ZNF185: variants seen among roughly 807,000 people sequenced by gnomAD.
The protein encoded by ZNF185 is zinc finger protein 185 with LIM domain.
In ZNF185, 56 loss-of-function variants were observed where a neutral mutation model predicts 58.6. That is an observed-to-expected ratio of 0.95 (90% CI 0.77 to 1.19). The LOEUF (loss-of-function observed/expected upper bound fraction) is 1.19. ZNF185 is among the 50% of genes most tolerant of loss of function. ZNF185 has a pLI of 0.00. For synonymous variants in ZNF185, 230 were observed against 215.9 expected, an observed-to-expected ratio of 1.07 and a Z score of -0.57; for missense variants, 627 against 573.5, an observed-to-expected ratio of 1.09 and a Z score of -0.95.
At position 152,959,908 on chromosome X, in the gene ZNF185, A is replaced by G. The variant is rs1556908909; in HGVS notation, c.1607+12A>G. Reference sequence around the variant, plus strand: ...AGCTGCACCAGCAGGTACGAGCCAAACTGCACTGGGACCTTACCTGCTAGA... The same window carrying G: ...AGCTGCACCAGCAGGTACGAGCCAAGCTGCACTGGGACCTTACCTGCTAGA... On this transcript the variant is annotated intron_variant, in intron 17 of 22. Coordinates refer to ENST00000449285, the Ensembl canonical transcript of ZNF185. 1.7e-6 allele frequency: 2 copies of G among 1,203,572 alleles called. No individual in the cohort carries two copies. The highest frequency in any genetic ancestry group is 2.2e-6 in the Non-Finnish European group (2 of 890,572).
intron 12 of ZNF185, among the ~76,000 whole-genome samples, chrX:152,929,916 C>T (rs115283233): frequency 0.014 from 1,603 of 112,557 alleles, 28 homozygotes; most frequent in African/African-American, 0.049. Context: ...GATGCCCTTT[C>T]CCCTCTTCAT....
intron 16 of ZNF185, among the ~76,000 whole-genome samples, chrX:152,957,386 A>G (rs2125884650): frequency 9.0e-6 from 1 of 111,581 alleles, no homozygotes; most frequent in East Asian, 2.8e-4. Context: ...GAAAGGACTT[A>G]TTTCCTAAGC....
intron 5 of ZNF185, among the ~76,000 whole-genome samples, chrX:152,917,633 G>C (rs1008701358): frequency 2.7e-5 from 3 of 112,391 alleles, no homozygotes; most frequent in African/African-American, 9.7e-5. Flanking sequence ...TCCTGACTAG[G>C]CCTGGCTAAT....
At chrX:152,942,009 CA>C (rs1482920379) in intron 15 of ZNF185, among the ~76,000 whole-genome samples, 1,418 of 111,859 alleles carry the variant, frequency 0.013, 25 homozygotes, top group African/African-American at 0.044. Context: ...CAGGGCTGCC[CA>C]GGGGGAGGGG....
At chrX:152,920,198 A>G in intron 7 of ZNF185, 130 bp from the exon 9 acceptor site, 2 of 507,115 alleles carry the variant, frequency 3.9e-6, no homozygotes, top group South Asian at 6.7e-5. Context: ...AGCAGGTGCA[A>G]ATCTGGTTTC....
At chrX:152,903,025 C>T in the ZNF185 span, among the ~76,000 whole-genome samples, 4 of 111,293 alleles carry the variant, frequency 3.6e-5, no homozygotes, top group Admixed American at 3.8e-4. Flanking sequence ...CCTGCTCTGG[C>T]AAAGACTGAA....
intron 16 of ZNF185, among the ~76,000 whole-genome samples, chrX:152,950,136 A>C (rs1326969572): frequency 8.9e-6 from 1 of 112,574 alleles, no homozygotes; most frequent in Non-Finnish European, 1.9e-5. Flanking sequence ...ATTTGAAAGA[A>C]GCGGTAGAAT....
intron 11 of ZNF185, among the ~76,000 whole-genome samples, chrX:152,927,850 G>A (rs923765060): frequency 1.2e-4 from 14 of 112,443 alleles, no homozygotes; most frequent in African/African-American, 4.5e-4. Context: ...CTGCAATGTG[G>A]CTTGGAATTA....
rs782528520 is a variant in ZNF185 at position 152,918,535 on chromosome X, T to A, written c.431+381T>A. Among the ~76,000 whole-genome samples the A allele has an allele frequency of 3.5e-3, 393 of 112,920 alleles. 9 individuals are homozygous for A. The highest frequency in any genetic ancestry group is 0.014 in the Middle Eastern group (3 of 217). On this transcript the variant is annotated intron_variant, in intron 6 of 22. Coordinates refer to ENST00000449285, the Ensembl canonical transcript of ZNF185. ...GCCTGGCTGCACTGGGCTGGGGGCCTGGGGATCCTCAGGGTGCTGCTGTCA... is the reference window on the plus strand; with the variant it reads ...GCCTGGCTGCACTGGGCTGGGGGCCAGGGGATCCTCAGGGTGCTGCTGTCA...
chrX:152,963,315 G>T (rs184358919), intron 17 of ZNF185, among the ~76,000 whole-genome samples: 1,524 of 112,923 alleles, frequency 0.013, 25 homozygotes, highest in African/African-American at 0.046. Context: ...CTTCGACACC[G>T]GTCAGTTTCC....
At chrX:152,970,645 T>C in intron 22 of ZNF185, 104 bp downstream of exon 24, 1 of 680,709 alleles carries the variant, frequency 1.5e-6, no homozygotes, top group Non-Finnish European at 2.2e-6. Flanking sequence ...CAGCTATCTT[T>C]CTTGGCTCTT....
chrX:152,920,139 A>G (rs1232652965), intron 7 of ZNF185, among the ~76,000 whole-genome samples, 189 bp from the exon 9 acceptor site: 1 of 113,016 alleles, frequency 8.8e-6, no homozygotes, highest in African/African-American at 3.2e-5. Context: ...CTCCATAAAC[A>G]TGGGCTGCCC....
chrX:152,908,456 T>C, the ZNF185 span, among the ~76,000 whole-genome samples: 1 of 112,671 alleles, frequency 8.9e-6, no homozygotes, highest in African/African-American at 3.2e-5. Context: ...CCCAGAGGCA[T>C]GAGAGAGCTT....
At chrX:152,953,200 C>T (rs1269559779) in intron 16 of ZNF185, among the ~76,000 whole-genome samples, 1 of 111,412 alleles carries the variant, frequency 9.0e-6, no homozygotes, top group African/African-American at 3.3e-5. Context: ...AACTTCTATC[C>T]AGGACGATTC....
intron 15 of ZNF185, among the ~76,000 whole-genome samples, chrX:152,945,026 G>A (rs987122414): frequency 1.8e-5 from 2 of 111,968 alleles, no homozygotes; most frequent in Non-Finnish European, 1.9e-5. Flanking sequence ...CGGAGGCTTC[G>A]GCTTCATCTA....
exon 20 of ZNF185, chrX:152,967,168 G>A (rs375215396): frequency 1.3e-5 from 16 of 1,208,648 alleles, no homozygotes; most frequent in Middle Eastern, 2.3e-4. Flanking sequence ...TCCCTGCAGC[G>A]TCAGCAGCAT....
chrX:152,958,391 G>T (rs2049071189), intron 16 of ZNF185, among the ~76,000 whole-genome samples: 1 of 111,314 alleles, frequency 9.0e-6, no homozygotes, highest in African/African-American at 3.3e-5. Context: ...ACTGCAGCAG[G>T]AACAAGGAAG....
At chrX:152,938,202 A>T in intron 15 of ZNF185, 39 bp downstream of exon 17, 1 of 1,138,340 alleles carries the variant, frequency 8.8e-7, no homozygotes, top group Non-Finnish European at 1.2e-6. Flanking sequence ...TCTGGGGTGG[A>T]GAGAGGCAGC....
chrX:152,937,074 G>C (rs913835602), intron 14 of ZNF185, among the ~76,000 whole-genome samples: 3 of 111,774 alleles, frequency 2.7e-5, no homozygotes, highest in Non-Finnish European at 3.8e-5. Flanking sequence ...TGGGTGTGTG[G>C]AGCATTTGGC....
Sources: allele counts gnomAD v4.1 joint callset (sites outside exome capture counted in the v4.1 genomes callset), GRCh38; gene constraint gnomAD v4.1.1; transcripts MANE v1.5; gene names NCBI Gene and HGNC (gene_info 2026-07-23, HGNC 2026-07-21).